The following SLC2A10 variants were observed in gnomAD, a reference collection of about 807,000 sequenced individuals.
The protein encoded by SLC2A10 is solute carrier family 2, facilitated glucose transporter member 10.
Under a neutral mutation model 32.1 loss-of-function variants are expected in SLC2A10, and 25 were observed. That is an observed-to-expected ratio of 0.78 (90% CI 0.57 to 1.09). The LOEUF (loss-of-function observed/expected upper bound fraction) is 1.09. Ranked by LOEUF, SLC2A10 falls within the 50% of genes least tolerant of loss-of-function variation. The pLI is 0.00. For missense variants in SLC2A10, 673 were observed against 686.5 expected, an observed-to-expected ratio of 0.98 and a Z score of 0.22; for synonymous variants, 332 against 309.6, an observed-to-expected ratio of 1.07 and a Z score of -0.76.
intron 1 of SLC2A10, among the ~76,000 whole-genome samples, chr20:46,715,935 G>A (rs978324615): frequency 1.3e-5 from 2 of 151,488 alleles, no homozygotes; most frequent in African/African-American, 2.4e-5. Flanking sequence ...GGGCTCAAGC[G>A]ATCCTCACAC....
chr20:46,734,133 C>A lies in SLC2A10; in HGVS notation c.*299C>A. 2 of 463,342 alleles carry A rather than the reference C, an allele frequency of 4.3e-6. No individual in the cohort carries two copies. The highest frequency in any genetic ancestry group is 7.9e-6 in the Non-Finnish European group (2 of 252,864). The allele number at this position is 463,342 out of a possible 1,614,324, so 28.7% of individuals were successfully genotyped here. A position where few individuals can be genotyped will look rare whatever the true frequency, so the allele number is the denominator to read the frequency against. Reference sequence around the variant, plus strand: ...AATATTCTATGAAGTCTTTGTTGCACCATGGACTTTTCTCAAAGAATCTCA... The same window carrying A: ...AATATTCTATGAAGTCTTTGTTGCAACATGGACTTTTCTCAAAGAATCTCA... On this transcript the variant is annotated 3_prime_UTR_variant, in exon 5 of 5. Coordinates refer to ENST00000359271, the MANE Select transcript of SLC2A10 (RefSeq NM_030777.4).
chr20:46,720,583 A>G (rs1979495663), intron 1 of SLC2A10, among the ~76,000 whole-genome samples: 1 of 152,204 alleles, frequency 6.6e-6, no homozygotes, highest in African/African-American at 2.4e-5. Context: ...AAGATACGGA[A>G]GTCAGAATTA....
intron 4 of SLC2A10, 21 bp downstream of exon 4, chr20:46,729,509 G>C (rs751726585): frequency 3.6e-5 from 58 of 1,613,702 alleles, no homozygotes; most frequent in Non-Finnish European, 4.7e-5. Context: ...GACAGGGTGG[G>C]TCTGGGGGAA....
chr20:46,716,821 G>A (rs1451299959), intron 1 of SLC2A10, among the ~76,000 whole-genome samples: 2 of 151,998 alleles, frequency 1.3e-5, no homozygotes, highest in Admixed American at 6.6e-5. Context: ...TCAGGAGTTC[G>A]AGACCAGCCT....
chr20:46,717,845 T>C (rs1002310525), intron 1 of SLC2A10, among the ~76,000 whole-genome samples: 3 of 152,210 alleles, frequency 2.0e-5, no homozygotes, highest in Admixed American at 1.3e-4. Flanking sequence ...ACTGTCTAAA[T>C]GTAGGTGCCT....
At chr20:46,709,370 T>G, upstream of SLC2A10, 1 of 342,084 alleles carries the variant, frequency 2.9e-6, no homozygotes, top group Non-Finnish European at 5.3e-6. Flanking sequence ...AGACAGTGCG[T>G]GTGGGGTCTT....
intron 1 of SLC2A10, among the ~76,000 whole-genome samples, chr20:46,724,760 A>G (rs879701398): frequency 1.3e-5 from 2 of 148,254 alleles, no homozygotes; most frequent in Non-Finnish European, 3.0e-5. Context: ...TGGAGGATGA[A>G]TGGATGGATG....
chr20:46,734,288 CTT>C lies in SLC2A10; in HGVS notation c.*455_*456del, dbSNP rs1315719909. ...GAAGGGGGAAGTCTCTTTTTTTACT[CTT>C]ATCATTTTTTTTTTTTGAGGTGGAG... is the stretch of plus-strand genomic sequence containing the variant. On this transcript the variant is annotated 3_prime_UTR_variant, in exon 5 of 5. Coordinates refer to ENST00000359271, the MANE Select transcript of SLC2A10 (RefSeq NM_030777.4). 3 of 192,550 alleles carry C rather than the reference CTT, an allele frequency of 1.6e-5. No homozygotes were observed. Among genetic ancestry groups the C allele is most frequent in the African/African-American group, 2.6e-5 (1 of 38,240 alleles). The allele number at this position is 192,550 out of a possible 1,614,324, so 11.9% of individuals were successfully genotyped here. A position where few individuals can be genotyped will look rare whatever the true frequency, so the allele number is the denominator to read the frequency against.
At chr20:46,726,714 G>T in intron 2 of SLC2A10, 150 bp from the exon 3 acceptor site, 1 of 1,104,118 alleles carries the variant, frequency 9.1e-7, no homozygotes, top group Non-Finnish European at 1.4e-6. Context: ...AGACTCTACT[G>T]TAATTCTTAT....
At chr20:46,710,358 A>G in intron 1 of SLC2A10, 1 of 283,226 alleles carries the variant, frequency 3.5e-6, no homozygotes, top group Non-Finnish European at 6.5e-6. Context: ...TTGAGTGAGC[A>G]CCTACTACGT....
chr20:46,712,947 G>A (rs926107799), intron 1 of SLC2A10, among the ~76,000 whole-genome samples: 2 of 151,990 alleles, frequency 1.3e-5, no homozygotes, highest in African/African-American at 4.8e-5. Flanking sequence ...GAGCCACCGA[G>A]CCCAGCCTAA....
chr20:46,717,031 A>G (rs565929181), intron 1 of SLC2A10, among the ~76,000 whole-genome samples: 1 of 152,210 alleles, frequency 6.6e-6, no homozygotes, highest in Admixed American at 6.5e-5. Context: ...AAAAAAAAGA[A>G]AAGAAATTAT....
Position 46,726,182 on chromosome 20 carries a change from C to T in SLC2A10, c.1146C>T (p.Asp382=), listed in dbSNP as rs1481584704. 1 of 1,614,252 alleles carries T rather than the reference C, an allele frequency of 6.2e-7. No homozygotes were observed. Among genetic ancestry groups the T allele is most frequent in the Admixed American group, 1.7e-5 (1 of 60,036 alleles). ...CCAAGCCCCATCCCAGATCTGGAGA[C>T]CCCTCAGCCCCTCCTCGGCTGGCCC... ...KKTKPHPRSG[D]PSAPPRLALS... is the part of the protein sequence containing the mutation. Residue 382 remains aspartate (D), a synonymous_variant, in exon 2 of 5, where the codon GAC becomes GAT. Transcript: ENST00000359271.
chr20:46,713,555 C>T (rs1406984472), intron 1 of SLC2A10, among the ~76,000 whole-genome samples: 2 of 152,154 alleles, frequency 1.3e-5, no homozygotes, highest in Non-Finnish European at 2.9e-5. Context: ...GCAGATCCTG[C>T]AGAGTCTTGA....
Position 46,726,164 on chromosome 20 carries a change from C to T in SLC2A10, c.1128C>T (p.Pro376=). The T allele has an allele frequency of 1.2e-6, 2 of 1,614,256 alleles. No individual in the cohort carries two copies. The highest frequency in any genetic ancestry group is 1.7e-6 in the Non-Finnish European group (2 of 1,180,034). The part of the protein sequence containing the change: ...PILSTAKKTK[P]HPRSGDPSAP... ...TGTCCACTGCTAAGAAAACCAAGCC[C>T]CATCCCAGATCTGGAGACCCCTCAG... Residue 376 remains proline (P), a synonymous_variant, in exon 2 of 5, where the codon CCC becomes CCT. Transcript: ENST00000359271.
chr20:46,727,970 C>T (rs1422203151), intron 3 of SLC2A10, among the ~76,000 whole-genome samples: 1 of 152,066 alleles, frequency 6.6e-6, no homozygotes, highest in Admixed American at 6.5e-5. Context: ...CCTATCATGG[C>T]TGTCTTCCAA....
intron 3 of SLC2A10, among the ~76,000 whole-genome samples, chr20:46,728,391 G>A (rs534521259): frequency 6.6e-6 from 1 of 152,218 alleles, no homozygotes; most frequent in East Asian, 1.9e-4. Flanking sequence ...CCTCTTCTCT[G>A]TCTTGGGATG....
At position 46,731,953 on chromosome 20, in the gene SLC2A10, C is replaced by G. The variant is rs77006736; in HGVS notation, c.1548-1803C>G. Among the ~76,000 whole-genome samples the G allele has an allele frequency of 8.1e-3, 1,227 of 152,340 alleles. 21 individuals are homozygous for G. The highest frequency in any genetic ancestry group is 0.028 in the African/African-American group (1,163 of 41,558). On this transcript the variant is annotated intron_variant, in intron 4 of 4. Transcript: ENST00000359271. Reference sequence around the variant, plus strand: ...TATGTGCCCACCTCCTAACCCCTAACTTAGCCAGGATAGGGCAGAGATCCT... The same window carrying G: ...TATGTGCCCACCTCCTAACCCCTAAGTTAGCCAGGATAGGGCAGAGATCCT...
chr20:46,715,479 G>A (rs1485308216), intron 1 of SLC2A10, among the ~76,000 whole-genome samples: 1 of 152,160 alleles, frequency 6.6e-6, no homozygotes, highest in Non-Finnish European at 1.5e-5. Context: ...TGAGGGAGGA[G>A]GGGCAAAGGG....
Sources: allele counts gnomAD v4.1 joint callset (sites outside exome capture counted in the v4.1 genomes callset), GRCh38; gene constraint gnomAD v4.1.1; transcripts MANE v1.5; gene names NCBI Gene and HGNC (gene_info 2026-07-23, HGNC 2026-07-21).